The following KHDRBS3 variants were observed in gnomAD, a reference collection of about 807,000 sequenced individuals.
The protein encoded by KHDRBS3 is KH domain-containing, RNA-binding, signal transduction-associated protein 3.
KHDRBS3 carries 23 observed loss-of-function variants against 45.6 expected under a neutral mutation model. The observed-to-expected ratio is 0.50, with a 90% CI of 0.36 to 0.72. KHDRBS3 has a LOEUF of 0.72. Among genes scored for constraint, KHDRBS3 ranks in the 30% least tolerant of loss-of-function variants. The pLI, the probability that KHDRBS3 is intolerant of heterozygous loss-of-function variation, is 0.00. For synonymous variants in KHDRBS3, 162 were observed against 156.5 expected, an observed-to-expected ratio of 1.04 and a Z score of -0.26; for missense variants, 352 against 424.8, an observed-to-expected ratio of 0.83 and a Z score of 1.51.
chr8:135,619,424 A>G (rs944081087), intron 7 of KHDRBS3, among the ~76,000 whole-genome samples: 3 of 152,222 alleles, frequency 2.0e-5, no homozygotes, highest in African/African-American at 7.2e-5. Flanking sequence ...AGGAAAAAAA[A>G]AAACTATCCA....
At chr8:135,559,797 G>A (rs1482075823) in intron 5 of KHDRBS3, among the ~76,000 whole-genome samples, 2 of 152,320 alleles carry the variant, frequency 1.3e-5, no homozygotes, top group African/African-American at 2.4e-5. Flanking sequence ...CATTATTGAT[G>A]CCATTGCAGA....
intron 1 of KHDRBS3, among the ~76,000 whole-genome samples, chr8:135,478,728 T>G (rs906787054): frequency 6.6e-6 from 1 of 151,868 alleles, no homozygotes; most frequent in African/African-American, 2.4e-5. Context: ...AAATAACCAG[T>G]GAGCCAAAAA....
At chr8:135,523,957 T>A (rs901036916) in intron 2 of KHDRBS3, among the ~76,000 whole-genome samples, 1 of 152,202 alleles carries the variant, frequency 6.6e-6, no homozygotes, top group African/African-American at 2.4e-5. Flanking sequence ...TAGTGATATA[T>A]TATCTGTTTT....
chr8:135,629,604 A>G (rs1830511246), intron 7 of KHDRBS3, among the ~76,000 whole-genome samples: 1 of 152,228 alleles, frequency 6.6e-6, no homozygotes, highest in African/African-American at 2.4e-5. Context: ...TCATTACTGC[A>G]TGCTAGGTCT....
chr8:135,480,493 A>G (rs1050539472), intron 1 of KHDRBS3, among the ~76,000 whole-genome samples: 1 of 152,174 alleles, frequency 6.6e-6, no homozygotes, highest in African/African-American at 2.4e-5. Context: ...TAAATGTAGT[A>G]TATACTTTAC....
At position 135,645,085 on chromosome 8, in the gene KHDRBS3, A is replaced by G. The variant is rs1831227532; in HGVS notation, c.917A>G (p.His306Arg). 1.2e-6 allele frequency: 2 copies of G among 1,613,592 alleles called. No individual in the cohort carries two copies. Among genetic ancestry groups the G allele is most frequent in the East Asian group, 2.2e-5 (1 of 44,872 alleles). The change falls in exon 8 of 9, where the codon CAT becomes CGT. Residue 306 changes from histidine (H) to arginine (R), a missense_variant. Around this residue, in one of 6 missense-constraint regions of KHDRBS3, gnomAD observed 212 missense variants for 209.6 expected, o/e 1.01. Coordinates refer to ENST00000355849, the MANE Select transcript of KHDRBS3 (RefSeq NM_006558.3). ...QSGADYYDYG[H>R]GLSEETYDSY... ...GGTGCTGATTACTATGATTACGGAC[A>G]TGGACTCAGTGAGGAGACTTATGAT... is the stretch of plus-strand genomic sequence containing the variant.
intron 6 of KHDRBS3, among the ~76,000 whole-genome samples, chr8:135,595,219 A>T (rs1828921446): frequency 6.6e-6 from 1 of 152,180 alleles, no homozygotes; most frequent in Non-Finnish European, 1.5e-5. Flanking sequence ...ATTCAGAGGG[A>T]ACAAAGGCAG....
chr8:135,490,030 T>C (rs2130406483), intron 1 of KHDRBS3, among the ~76,000 whole-genome samples: 1 of 152,308 alleles, frequency 6.6e-6, no homozygotes, highest in Non-Finnish European at 1.5e-5. Context: ...TGTGTTACAG[T>C]TGTCTAGAGC....
chr8:135,625,328 T>G (rs1283788688), intron 7 of KHDRBS3: 1 of 1,049,742 alleles, frequency 9.5e-7, no homozygotes, highest in African/African-American at 1.6e-5. Flanking sequence ...GTTCTATAGC[T>G]TTCCGAAGTA....
At chr8:135,597,065 A>T (rs141154697) in intron 6 of KHDRBS3, among the ~76,000 whole-genome samples, 1 of 152,198 alleles carries the variant, frequency 6.6e-6, no homozygotes, top group Non-Finnish European at 1.5e-5. Context: ...TTTTAGATGG[A>T]TAATTTATAA....
At chr8:135,614,539 G>C (rs756998895) in intron 7 of KHDRBS3, among the ~76,000 whole-genome samples, 4 of 151,626 alleles carry the variant, frequency 2.6e-5, no homozygotes, top group Middle Eastern at 3.2e-3. Context: ...AAACTAAATA[G>C]AACATAAAGG....
At chr8:135,609,547 G>T (rs1829622900) in intron 7 of KHDRBS3, among the ~76,000 whole-genome samples, 1 of 151,972 alleles carries the variant, frequency 6.6e-6, no homozygotes, top group South Asian at 2.1e-4. Context: ...TGCCCACCTT[G>T]GCCTCCAAAA....
chr8:135,515,391 A>G, intron 1 of KHDRBS3, among the ~76,000 whole-genome samples: 1 of 118,860 alleles, frequency 8.4e-6, no homozygotes, highest in Non-Finnish European at 1.8e-5. Flanking sequence ...AAAAAAAAAA[A>G]AAAAAAAAAA....
chr8:135,579,322 G>A (rs1198595934), intron 5 of KHDRBS3, among the ~76,000 whole-genome samples: 1 of 152,092 alleles, frequency 6.6e-6, no homozygotes, highest in African/African-American at 2.4e-5. Context: ...ATATGTTGCA[G>A]GTTTGCTGTA....
At chr8:135,544,854 G>A (rs1826214108) in intron 3 of KHDRBS3, among the ~76,000 whole-genome samples, 1 of 152,080 alleles carries the variant, frequency 6.6e-6, no homozygotes, top group Non-Finnish European at 1.5e-5. Context: ...GAGGGGAGTA[G>A]CATACATTGT....
At chr8:135,559,597 G>A (rs11984982) in intron 5 of KHDRBS3, among the ~76,000 whole-genome samples, 12,823 of 152,104 alleles carry the variant, frequency 0.084, 654 homozygotes, top group East Asian at 0.18. Context: ...TCCTGACCTC[G>A]TGATCTGCCT....
intron 3 of KHDRBS3, 150 bp downstream of exon 3, chr8:135,542,920 TG>T (rs1826114266): frequency 1.8e-6 from 1 of 557,186 alleles, no homozygotes; most frequent in South Asian, 2.9e-5. Context: ...CTTCAGAATA[TG>T]TAGTAACTTA....
intron 1 of KHDRBS3, among the ~76,000 whole-genome samples, chr8:135,503,492 G>C (rs533800076): frequency 1.3e-5 from 2 of 151,998 alleles, no homozygotes; most frequent in Admixed American, 6.5e-5. Flanking sequence ...GGCCTCCTGC[G>C]TTGGAATTGC....
chr8:135,501,939 A>G (rs1823756858), intron 1 of KHDRBS3, among the ~76,000 whole-genome samples: 1 of 152,188 alleles, frequency 6.6e-6, no homozygotes, highest in Admixed American at 6.5e-5. Context: ...TTTTGCACGC[A>G]TTATTGAAGC....
Sources: gnomAD v4.1 joint callset for allele counts (sites outside exome capture counted in the v4.1 genomes callset) on GRCh38, gnomAD v4.1.1 for gene constraint, gnomAD v4.1.1 regional missense constraint, MANE v1.5 for transcripts, NCBI Gene and HGNC (gene_info 2026-07-23, HGNC 2026-07-21) for gene names.